BRF1: variants seen among roughly 807,000 people sequenced by gnomAD.
The protein encoded by BRF1 is transcription factor IIIB 90 kDa subunit.
Under a neutral mutation model 81.7 loss-of-function variants are expected in BRF1, and 59 were observed. The ratio of observed to expected loss-of-function variants is 0.72; its 90% confidence interval spans 0.59 to 0.90. The LOEUF (loss-of-function observed/expected upper bound fraction) is 0.90. Among genes scored for constraint, BRF1 ranks in the 40% least tolerant of loss-of-function variants. The probability of loss-of-function intolerance (pLI) is 0.00; values close to 1 mark genes in which losing one functional copy is unlikely to be tolerated. For missense variants in BRF1, 1,050 were observed against 936.3 expected, an observed-to-expected ratio of 1.12 and a Z score of -1.58; for synonymous variants, 491 against 395.6, an observed-to-expected ratio of 1.24 and a Z score of -2.86.
intron 2 of BRF1, among the ~76,000 whole-genome samples, chr14:105,282,829 A>C (rs1453375435): frequency 6.6e-6 from 1 of 152,172 alleles, no homozygotes; most frequent in African/African-American, 2.4e-5. Context: ...GCTACTCGGG[A>C]GGCTGAGGCA....
chr14:105,249,564 T>TG (rs2055452669), intron 5 of BRF1: 1 of 1,588,724 alleles, frequency 6.3e-7, no homozygotes, highest in African/African-American at 1.3e-5. Context: ...CAGGAGCTGA[T>TG]GGACTCCTCT....
Position 105,307,737 on chromosome 14 carries a change from C to T in BRF1, c.-162+7585G>A, listed in dbSNP as rs147552484. Among the ~76,000 whole-genome samples, 388 of 152,356 alleles carry T rather than the reference C, an allele frequency of 2.5e-3. 4 individuals are homozygous for T. Among genetic ancestry groups the T allele is most frequent in the African/African-American group, 8.9e-3 (371 of 41,582 alleles). On this transcript the variant is annotated intron_variant, in intron 1 of 17. Coordinates refer to the BRF1 transcript ENST00000327359. ...GGTTTCTACTTCCTCATCTGCATAA[C>T]AGGGATAAGAATAGCCCACCCTAGC...
At chr14:105,215,668 C>G (rs587753133) in intron 15 of BRF1, among the ~76,000 whole-genome samples, 9 of 140,396 alleles carry the variant, frequency 6.4e-5, no homozygotes, top group Non-Finnish European at 3.1e-5. Flanking sequence ...ACTGCATACA[C>G]AGGCACACAC....
At chr14:105,281,782 A>C (rs1357267804) in intron 2 of BRF1, among the ~76,000 whole-genome samples, 1 of 150,112 alleles carries the variant, frequency 6.7e-6, no homozygotes, top group East Asian at 1.9e-4. Flanking sequence ...TATGATTCCC[A>C]CTGTATGAAG....
chr14:105,247,916 G>A (rs2055233506), intron 5 of BRF1: 1 of 985,398 alleles, frequency 1.0e-6, no homozygotes, highest in African/African-American at 1.7e-5. Context: ...CAGGCCGGGA[G>A]GCTAGAGGCC....
intron 15 of BRF1, chr14:105,217,316 T>C: frequency 1.5e-6 from 1 of 657,898 alleles, no homozygotes; most frequent in Non-Finnish European, 2.6e-6. Flanking sequence ...AGGACCCCCC[T>C]GACAGCTGGA....
chr14:105,221,443 C>T (rs1892271916), intron 11 of BRF1, among the ~76,000 whole-genome samples: 1 of 152,206 alleles, frequency 6.6e-6, no homozygotes, highest in Admixed American at 6.5e-5. Flanking sequence ...CTGGCGTCGG[C>T]ACACACCCAA....
At chr14:105,298,265 T>C (rs376105324) in intron 1 of BRF1, among the ~76,000 whole-genome samples, 1 of 152,154 alleles carries the variant, frequency 6.6e-6, no homozygotes, top group Non-Finnish European at 1.5e-5. Flanking sequence ...GGGAAATTAA[T>C]AGCCACAACA....
At chr14:105,314,854 GCCCGCCGCGCGTCCGCGGC>G (rs1399258058) in intron 1 of BRF1, 9 of 750,838 alleles carry the variant, frequency 1.2e-5, no homozygotes, top group Admixed American at 1.3e-4. Flanking sequence ...CGCCCGGCCC[GCCCGCCGCGCGTCCGCGGC>G]CCGGCCGCAG....
At chr14:105,292,672 A>G (rs4277291) in intron 1 of BRF1, among the ~76,000 whole-genome samples, 45,529 of 152,022 alleles carry the variant, frequency 0.3, 7,052 homozygotes, top group African/African-American at 0.33. Context: ...GGGAACACAG[A>G]GCGTGTGCCT....
chr14:105,221,715 G>C lies in BRF1; in HGVS notation c.1248C>G (p.Pro416=). ...CTGAGATGCCCAGGCTGGCTGCAGT[G>C]GGGAGGGGGTCCAGCAGGGACCCCA... ...PALGSLLDPL[P]TAASLGISDS... The change falls in exon 11 of 18, where the codon CCC becomes CCG. Residue 416 remains proline (P), a synonymous_variant. Coordinates refer to ENST00000547530, the MANE Select transcript of BRF1 (RefSeq NM_001519.4). 1 of 1,611,438 alleles carries C rather than the reference G, an allele frequency of 6.2e-7. No homozygotes were observed. The highest frequency in any genetic ancestry group is 8.5e-7 in the Non-Finnish European group (1 of 1,179,788).
rs890269747 is a variant in BRF1, at chr14:105,219,853, G to T, written c.1377+216C>A. 1.3e-4 allele frequency: 77 copies of T among 596,978 alleles called. No homozygotes were observed. In the African/African-American group the frequency reaches 1.4e-3, roughly 11 times the overall value. The allele number at this position is 596,978 out of a possible 1,614,324, so 37.0% of individuals were successfully genotyped here. ...GCCGCAAGGACCAGGCGCAAAGCCA[G>T]GGGCCTCTCGACAGGCCGCCCCCGA... is the stretch of plus-strand genomic sequence containing the variant. On this transcript the variant is annotated intron_variant, in intron 12 of 17. Coordinates refer to ENST00000547530, the MANE Select transcript of BRF1 (RefSeq NM_001519.4).
intron 4 of BRF1, among the ~76,000 whole-genome samples, chr14:105,252,908 C>A (rs1439439852): frequency 6.6e-6 from 1 of 152,220 alleles, no homozygotes; most frequent in Non-Finnish European, 1.5e-5. Flanking sequence ...CCCATGAACA[C>A]AAAACCAGTT....
intron 3 of BRF1, among the ~76,000 whole-genome samples, chr14:105,256,871 AC>A (rs774620041): frequency 1.3e-5 from 2 of 152,052 alleles, no homozygotes; most frequent in South Asian, 4.2e-4. Flanking sequence ...GAAAGCGTGC[AC>A]CCCCACACAC....
chr14:105,226,152 G>C lies in BRF1; in HGVS notation c.965C>G (p.Ser322Cys). The C allele has an allele frequency of 6.2e-7, 1 of 1,614,012 alleles. No homozygotes were observed. Among genetic ancestry groups the C allele is most frequent in the Non-Finnish European group, 8.5e-7 (1 of 1,180,036 alleles). ...AATCTCAATTGCATCCTGGTAACTG[G>C]ATATTTCACCTGAAGTCATAAGTTA... ...KKLEEVEGEI[S>C]SYQDAIEIEL... Residue 322 changes from serine to cysteine, a missense_variant, in exon 10 of 18, where the codon TCC (serine) becomes TGC (cysteine). Ser to Cys is a moderately radical substitution (Grantham distance 112, BLOSUM62 -1). Around this residue, in one of 2 missense-constraint regions of BRF1, gnomAD observed 1,043 missense variants for 915.4 expected, o/e 1.14. Transcript: ENST00000547530.
chr14:105,228,739 G>C (rs1431561629), intron 7 of BRF1, 81 bp downstream of exon 7: 4 of 1,505,686 alleles, frequency 2.7e-6, no homozygotes, highest in Non-Finnish European at 3.7e-6. Flanking sequence ...CCGGGAGGTG[G>C]CGCCTGCTCT....
At position 105,226,130 on chromosome 14, in the gene BRF1, C is replaced by T. The variant is rs145719901; in HGVS notation, c.987G>A (p.Glu329=). 6.2e-7 allele frequency: 1 copy of T among 1,613,972 alleles called. No individual in the cohort carries two copies. The highest frequency in any genetic ancestry group is 1.7e-5 in the Admixed American group (1 of 60,010). Residue 329 remains glutamate, a synonymous_variant, in exon 10 of 18, where the codon GAG becomes GAA. Transcript: ENST00000547530. The part of the protein sequence containing the change: ...GEISSYQDAI[E]IELENSRPKA... ...TTGGCCGGCTGTTTTCTAGTTCAAT[C>T]TCAATTGCATCCTGGTAACTGGATA... is the stretch of plus-strand genomic sequence containing the variant.
At chr14:105,306,466 G>C (rs1349176341) in intron 1 of BRF1, among the ~76,000 whole-genome samples, 1 of 152,000 alleles carries the variant, frequency 6.6e-6, no homozygotes, top group Non-Finnish European at 1.5e-5. Context: ...ACCATGCCCG[G>C]CTAATTTTTT....
chr14:105,297,720 G>A (rs971450505), intron 1 of BRF1, among the ~76,000 whole-genome samples: 8 of 152,052 alleles, frequency 5.3e-5, no homozygotes, highest in Non-Finnish European at 7.4e-5. Flanking sequence ...AAAACGGCCC[G>A]GTGCAGTGGC....
Sources: gnomAD v4.1 joint callset for allele counts (sites outside exome capture counted in the v4.1 genomes callset) on GRCh38, gnomAD v4.1.1 for gene constraint, gnomAD v4.1.1 regional missense constraint, MANE v1.5 for transcripts, NCBI Gene and HGNC (gene_info 2026-07-23, HGNC 2026-07-21) for gene names.